The following ABCC4 variants were observed in gnomAD, a reference collection of about 807,000 sequenced individuals.
ABCC4 encodes ATP-binding cassette sub-family C member 4.
ABCC4 carries 102 observed loss-of-function variants against 168.5 expected under a neutral mutation model. The observed-to-expected ratio is 0.61, with a 90% CI of 0.52 to 0.71. ABCC4 has a LOEUF of 0.71. Ranked by LOEUF, ABCC4 falls within the 30% of genes least tolerant of loss-of-function variation. The pLI, the probability that ABCC4 is intolerant of heterozygous loss-of-function variation, is 0.00. For synonymous variants in ABCC4, 617 were observed against 590.7 expected (o/e 1.04, Z -0.65); for missense variants, 1,402 against 1,605.8 (o/e 0.87, Z 2.17).
intron 30 of ABCC4, among the ~76,000 whole-genome samples, chr13:95,027,810 T>C (rs1353081438): frequency 6.6e-6 from 1 of 152,162 alleles, no homozygotes; most frequent in Non-Finnish European, 1.5e-5. Flanking sequence ...ACTGAAAGCA[T>C]AACATGACAG....
rs1566355222 is a variant in ABCC4, at chr13:95,029,194, A to ATATC, written c.3870+5410_3870+5411insGATA. On this transcript the variant is annotated intron_variant, in intron 30 of 30. Coordinates refer to ENST00000645237, the MANE Select transcript of ABCC4 (RefSeq NM_005845.5). ...TATATATATATATATATATATATAT[A>ATATC]TATATATATATATATATATAGAGAG... Among the ~76,000 whole-genome samples, 7 of 93,104 alleles carry ATATC rather than the reference A, an allele frequency of 7.5e-5. 1 individual carries two copies. The highest frequency in any genetic ancestry group is 3.2e-4 in the African/African-American group (7 of 21,972). 61.1% of individuals were successfully genotyped at this position (93,104 alleles called of 152,430 possible).
At chr13:95,044,497 G>A (rs2032494224) in intron 27 of ABCC4, 59 bp from the exon 28 acceptor site, 6 of 1,493,996 alleles carry the variant, frequency 4.0e-6, no homozygotes, top group Admixed American at 1.9e-5. Flanking sequence ...AAGTAGTCAA[G>A]CCTCATAGAC....
intron 4 of ABCC4, among the ~76,000 whole-genome samples, chr13:95,220,913 A>C (rs1444381635): frequency 6.6e-6 from 1 of 152,236 alleles, no homozygotes; most frequent in Admixed American, 6.5e-5. Flanking sequence ...AGAAGCCAGA[A>C]AAGGGTAGAA....
chr13:95,269,689 C>A (rs1178995338), intron 1 of ABCC4, among the ~76,000 whole-genome samples: 1 of 151,930 alleles, frequency 6.6e-6, no homozygotes, highest in East Asian at 1.9e-4. Flanking sequence ...TGCTTTATAA[C>A]ATAAAGGTTA....
chr13:95,117,855 C>A lies in ABCC4; in HGVS notation c.2456-1854G>T, dbSNP rs1364978210. ...GTACTTCTGAAGGCAGAGGTGGGAG[C>A]ATTGCTTGAGCTCAAGAGTTCAAGA... On this transcript the variant is annotated intron_variant, in intron 19 of 30. Coordinates refer to ENST00000645237, the MANE Select transcript of ABCC4 (RefSeq NM_005845.5). Among the ~76,000 whole-genome samples, 3 of 151,364 alleles carry A rather than the reference C, an allele frequency of 2.0e-5. No homozygotes were observed. In the South Asian group the frequency reaches 6.3e-4, roughly 32 times the overall value.
At chr13:95,135,944 A>G (rs866180195) in intron 19 of ABCC4, among the ~76,000 whole-genome samples, 1 of 152,290 alleles carries the variant, frequency 6.6e-6, no homozygotes, top group South Asian at 2.1e-4. Context: ...CACCACAGCT[A>G]GTCATTAGGA....
At chr13:95,173,419 C>CAGAAGAGAA (rs1261818916) in intron 13 of ABCC4, among the ~76,000 whole-genome samples, 8 of 152,178 alleles carry the variant, frequency 5.3e-5, no homozygotes, top group Non-Finnish European at 1.0e-4. Context: ...CTCCGAGGAG[C>CAGAAGAGAA]AGAAGAGAAA....
chr13:95,160,459 C>T (rs1000162977), intron 19 of ABCC4, among the ~76,000 whole-genome samples: 1 of 152,108 alleles, frequency 6.6e-6, no homozygotes, highest in Non-Finnish European at 1.5e-5. Flanking sequence ...AGATAAGAAG[C>T]GCATAGTGCA....
chr13:95,104,598 T>C (rs752891778), intron 20 of ABCC4, among the ~76,000 whole-genome samples: 1 of 152,264 alleles, frequency 6.6e-6, no homozygotes, highest in African/African-American at 2.4e-5. Flanking sequence ...TGAAGATTTC[T>C]TTCCCAAGGC....
chr13:95,222,741 A>T (rs1341722663), intron 4 of ABCC4, among the ~76,000 whole-genome samples: 1 of 152,248 alleles, frequency 6.6e-6, no homozygotes, highest in Non-Finnish European at 1.5e-5. Context: ...GAAACACCAG[A>T]GAGATCATGT....
chr13:95,156,684 C>G (rs1281380497), intron 19 of ABCC4, among the ~76,000 whole-genome samples: 3 of 152,104 alleles, frequency 2.0e-5, no homozygotes, highest in Non-Finnish European at 4.4e-5. Flanking sequence ...CCGAGGGCAG[C>G]TGAAAATGTA....
chr13:95,296,731 C>T (rs2041545087), intron 1 of ABCC4, among the ~76,000 whole-genome samples: 1 of 152,174 alleles, frequency 6.6e-6, no homozygotes, highest in Non-Finnish European at 1.5e-5. Context: ...TGCAAAGTGC[C>T]TGCCGGGCAC....
intron 1 of ABCC4, among the ~76,000 whole-genome samples, chr13:95,273,731 T>C (rs1465904979): frequency 6.6e-6 from 1 of 151,654 alleles, no homozygotes; most frequent in Non-Finnish European, 1.5e-5. Flanking sequence ...GGGAGATAAT[T>C]GAATCATGGG....
At chr13:95,081,204 C>T (rs2034082408) in intron 21 of ABCC4, among the ~76,000 whole-genome samples, 1 of 148,628 alleles carries the variant, frequency 6.7e-6, no homozygotes, top group Non-Finnish European at 1.5e-5. Flanking sequence ...CTTTAAGGTA[C>T]ATGCTGAAAT....
At chr13:95,224,395 C>CA (rs1220340336) in intron 4 of ABCC4, among the ~76,000 whole-genome samples, 1 of 151,932 alleles carries the variant, frequency 6.6e-6, no homozygotes, top group Non-Finnish European at 1.5e-5. Context: ...AAAATTTGTT[C>CA]AGATTAAAGA....
In ABCC4 at chr13:95,276,705, G is replaced by A. The variant is rs114667934; in HGVS notation, c.74+24536C>T. On this transcript the variant is annotated intron_variant, in intron 1 of 30. Coordinates refer to ENST00000645237, the MANE Select transcript of ABCC4 (RefSeq NM_005845.5). ...CTCTCAAACCACAGCATATAGAGATGCCTTTATTAATAAAAAAGGATACAA... is the reference window on the plus strand; with the variant it reads ...CTCTCAAACCACAGCATATAGAGATACCTTTATTAATAAAAAAGGATACAA... Among the ~76,000 whole-genome samples, 856 of 152,170 alleles carry A rather than the reference G, an allele frequency of 5.6e-3. 4 individuals carry two copies. Among genetic ancestry groups the A allele is most frequent in the African/African-American group, 0.019 (806 of 41,528 alleles).
At chr13:95,249,492 T>C (rs1336439801) in intron 1 of ABCC4, among the ~76,000 whole-genome samples, 7 of 152,070 alleles carry the variant, frequency 4.6e-5, no homozygotes, top group African/African-American at 1.4e-4. Flanking sequence ...ACTGCAGGGG[T>C]ATCCAAGTTA....
intron 4 of ABCC4, among the ~76,000 whole-genome samples, chr13:95,218,248 A>T (rs967126167): frequency 1.4e-4 from 21 of 152,182 alleles, no homozygotes; most frequent in Non-Finnish European, 2.6e-4. Context: ...TGTTGGCCAG[A>T]GTTGCTTAGT....
intron 20 of ABCC4, among the ~76,000 whole-genome samples, chr13:95,106,844 G>A (rs1451654687): frequency 1.3e-5 from 2 of 152,170 alleles, no homozygotes; most frequent in African/African-American, 4.8e-5. Context: ...TTGGCATAGG[G>A]AGTCTGGGAC....
Sources: gnomAD v4.1 joint callset for allele counts (sites outside exome capture counted in the v4.1 genomes callset) on GRCh38, gnomAD v4.1.1 for gene constraint, MANE v1.5 for transcripts, NCBI Gene and HGNC (gene_info 2026-07-23, HGNC 2026-07-21) for gene names.